Variants in PCCA observed in about 807,000 individuals in gnomAD.
PCCA encodes propionyl-CoA carboxylase alpha chain, mitochondrial.
In PCCA, 74 loss-of-function variants were observed where a neutral mutation model predicts 101.3. That is an observed-to-expected ratio of 0.73 (90% CI 0.61 to 0.89). The LOEUF (loss-of-function observed/expected upper bound fraction) is 0.89. Among genes scored for constraint, PCCA ranks in the 40% least tolerant of loss-of-function variants. PCCA has a pLI of 0.00. For missense variants in PCCA, 891 were observed against 907.0 expected, an observed-to-expected ratio of 0.98 and a Z score of 0.23; for synonymous variants, 294 against 313.6, an observed-to-expected ratio of 0.94 and a Z score of 0.66.
At chr13:100,096,414 GT>G (rs1406760207) in intron 1 of PCCA, among the ~76,000 whole-genome samples, 1 of 152,210 alleles carries the variant, frequency 6.6e-6, no homozygotes, top group Non-Finnish European at 1.5e-5. Flanking sequence ...TCTCCAAGCA[GT>G]TATTCCCCTA....
At chr13:100,182,407 T>G (rs1193974391) in intron 6 of PCCA, among the ~76,000 whole-genome samples, 1 of 152,138 alleles carries the variant, frequency 6.6e-6, no homozygotes, top group Non-Finnish European at 1.5e-5. Flanking sequence ...ATATTCAGTT[T>G]TAAATTTTAG....
At chr13:100,133,137 A>C (rs755357922) in intron 4 of PCCA, among the ~76,000 whole-genome samples, 1 of 152,074 alleles carries the variant, frequency 6.6e-6, no homozygotes, top group Non-Finnish European at 1.5e-5. Context: ...TTTAATTTGC[A>C]TTTGCCTAAT....
At chr13:100,510,965 G>T (rs2086435897) in intron 21 of PCCA, among the ~76,000 whole-genome samples, 1 of 152,250 alleles carries the variant, frequency 6.6e-6, no homozygotes, top group Non-Finnish European at 1.5e-5. Context: ...CTTCAATTCT[G>T]TGTATTGTCA....
In PCCA at chr13:100,257,808, G is replaced by T; in HGVS notation, c.716+135G>T. 3 of 684,532 alleles carry T rather than the reference G, an allele frequency of 4.4e-6. No individual in the cohort carries two copies. The South Asian group carries it at 4.8e-5, about 11-fold the overall frequency. 42.4% of individuals were successfully genotyped at this position (684,532 alleles called of 1,614,324 possible). On this transcript the variant is annotated intron_variant, in intron 9 of 23. Coordinates refer to ENST00000376285, the MANE Select transcript of PCCA (RefSeq NM_000282.4). ...ATCTAATTTTTACACTTTTGAATGG[G>T]AAAAAGATTGAAATTATGTGGAAAC...
chr13:100,214,471 C>A (rs1212888594), intron 7 of PCCA, among the ~76,000 whole-genome samples: 1 of 151,498 alleles, frequency 6.6e-6, no homozygotes, highest in Non-Finnish European at 1.5e-5. Flanking sequence ...TGTTGCCAGG[C>A]TGGAGTGCAG....
intron 17 of PCCA, among the ~76,000 whole-genome samples, chr13:100,339,115 C>T (rs995851934): frequency 6.6e-6 from 1 of 152,052 alleles, no homozygotes; most frequent in African/African-American, 2.4e-5. Flanking sequence ...TAGACATATC[C>T]TCCCTGCACT....
At position 100,330,613 on chromosome 13, in the gene PCCA, T is replaced by C; in HGVS notation, c.1482T>C (p.Phe494=). 6.2e-7 allele frequency: 1 copy of C among 1,613,196 alleles called. No homozygotes were observed. The highest frequency in any genetic ancestry group is 1.3e-5 in the African/African-American group (1 of 75,060). Residue 494 remains phenylalanine, a synonymous_variant, in exon 17 of 24, where the codon TTT becomes TTC. Transcript: ENST00000376285. ...GAGAGGTGATAATCAACTCACGCTTTGTAAAAGGAGACATCAGCACTAAAT... is the reference window on the plus strand; with the variant it reads ...GAGAGGTGATAATCAACTCACGCTTCGTAAAAGGAGACATCAGCACTAAAT... ...LLREVIINSR[F]VKGDISTKFL... is the part of the protein sequence containing the mutation.
chr13:100,353,956 A>G (rs898087830), intron 18 of PCCA, among the ~76,000 whole-genome samples: 2 of 151,920 alleles, frequency 1.3e-5, no homozygotes, highest in South Asian at 4.2e-4. Flanking sequence ...CTATCTCAAA[A>G]TAAAAGAAGA....
intron 19 of PCCA, among the ~76,000 whole-genome samples, chr13:100,407,185 A>G (rs902461434): frequency 2.6e-5 from 4 of 152,216 alleles, no homozygotes; most frequent in Non-Finnish European, 5.9e-5. Context: ...GGGAACACAT[A>G]TTAGCATTAT....
At chr13:100,486,359 G>A (rs2084371455) in intron 21 of PCCA, among the ~76,000 whole-genome samples, 1 of 152,194 alleles carries the variant, frequency 6.6e-6, no homozygotes, top group Non-Finnish European at 1.5e-5. Context: ...AACTGGATAA[G>A]TTTCCGAAGA....
intron 4 of PCCA, among the ~76,000 whole-genome samples, chr13:100,151,338 T>C (rs558350532): frequency 6.6e-6 from 1 of 152,240 alleles, no homozygotes; most frequent in African/African-American, 2.4e-5. Flanking sequence ...ACACCTGTAA[T>C]CCCAGCACTT....
In PCCA at chr13:100,242,141, A is replaced by G. The variant is rs192664720; in HGVS notation, c.637+6263A>G. ...GCAGAGGGAAGAATAGATTAAAAAA[A>G]GTGACTCAACTATATGCTGTCTATA... On this transcript the variant is annotated intron_variant, in intron 8 of 23. Coordinates refer to ENST00000376285, the MANE Select transcript of PCCA (RefSeq NM_000282.4). Among the ~76,000 whole-genome samples, 272 of 152,346 alleles carry G rather than the reference A, an allele frequency of 1.8e-3. 2 individuals carry two copies. Among genetic ancestry groups the G allele is most frequent in the African/African-American group, 6.3e-3 (260 of 41,584 alleles).
At chr13:100,283,612 G>T (rs1212857553) in intron 12 of PCCA, among the ~76,000 whole-genome samples, 1 of 152,002 alleles carries the variant, frequency 6.6e-6, no homozygotes, top group Non-Finnish European at 1.5e-5. Flanking sequence ...AGCAATCCAG[G>T]GCCCTGAACA....
intron 21 of PCCA, 42 bp downstream of exon 21, chr13:100,449,347 A>G: frequency 8.2e-7 from 1 of 1,212,694 alleles, no homozygotes; most frequent in Middle Eastern, 2.1e-4. Context: ...TTTACAGAGA[A>G]AAAATGTTCA....
intron 12 of PCCA, among the ~76,000 whole-genome samples, chr13:100,293,828 GT>G (rs1398625695): frequency 6.6e-6 from 1 of 152,148 alleles, no homozygotes; most frequent in Admixed American, 6.5e-5. Flanking sequence ...AAGGAAAGAA[GT>G]TTTTGGTATA....
At chr13:100,489,362 C>G (rs2084706270) in intron 21 of PCCA, among the ~76,000 whole-genome samples, 1 of 152,208 alleles carries the variant, frequency 6.6e-6, no homozygotes, top group South Asian at 2.1e-4. Flanking sequence ...TATGTACTGT[C>G]AGTGGCTGCT....
chr13:100,140,526 C>T (rs1034319688), intron 4 of PCCA, among the ~76,000 whole-genome samples: 1 of 152,182 alleles, frequency 6.6e-6, no homozygotes, highest in Non-Finnish European at 1.5e-5. Context: ...GAGTTCTCTC[C>T]ATCAGTGTCC....
intron 21 of PCCA, among the ~76,000 whole-genome samples, chr13:100,498,776 C>G (rs73566613): frequency 0.014 from 2,122 of 152,190 alleles, 46 homozygotes; most frequent in African/African-American, 0.048. Context: ...TAGGTTTATT[C>G]CACTACCAAC....
intron 17 of PCCA, 140 bp from the exon 18 acceptor site, chr13:100,340,017 C>T: frequency 1.4e-6 from 1 of 699,128 alleles, no homozygotes; most frequent in Non-Finnish European, 2.6e-6. Context: ...GTCCGCACAC[C>T]CCAGTGCCTA....
Sources: gnomAD v4.1 joint callset for allele counts (sites outside exome capture counted in the v4.1 genomes callset) on GRCh38, gnomAD v4.1.1 for gene constraint, MANE v1.5 for transcripts, NCBI Gene and HGNC (gene_info 2026-07-23, HGNC 2026-07-21) for gene names.